The following COCH variants were observed in gnomAD, a reference collection of about 807,000 sequenced individuals.
The protein encoded by COCH is cochlin.
COCH carries 40 observed loss-of-function variants against 54.8 expected under a neutral mutation model. That is an observed-to-expected ratio of 0.73 (90% CI 0.57 to 0.95). The LOEUF (loss-of-function observed/expected upper bound fraction) is 0.95. COCH is among the 40% of genes least tolerant of loss of function. COCH has a pLI of 0.00. For synonymous variants in COCH, 256 were observed against 237.9 expected, an observed-to-expected ratio of 1.08 and a Z score of -0.70; for missense variants, 605 against 675.0, an observed-to-expected ratio of 0.90 and a Z score of 1.15.
chr14:30,892,359 G>A (rs1231935665), downstream of COCH, among the ~76,000 whole-genome samples: 1 of 152,134 alleles, frequency 6.6e-6, no homozygotes, highest in Non-Finnish European at 1.5e-5. Context: ...ATAATGTACT[G>A]GGTTGGAATA....
chr14:30,889,448 C>T (rs557669867), intron 11 of COCH, 168 bp from the exon 12 acceptor site: 179 of 636,824 alleles, frequency 2.8e-4, no homozygotes, highest in Admixed American at 1.1e-3. Flanking sequence ...TTGCCACTCT[C>T]GTCACAATGA....
In COCH at chr14:30,875,068, T is replaced by C. The variant is rs1192667690; in HGVS notation, c.47T>C (p.Leu16Pro). 1 of 1,603,678 alleles carries C rather than the reference T, an allele frequency of 6.2e-7. No individual in the cohort carries two copies. The highest frequency in any genetic ancestry group is 1.1e-5 in the South Asian group (1 of 89,994). The change falls in exon 3 of 12, where the codon CTG (leucine) becomes CCG (proline). Residue 16 changes from leucine (L) to proline (P), a missense_variant. Coordinates refer to ENST00000396618, the MANE Select transcript of COCH (RefSeq NM_004086.3). Reference protein sequence around the residue: ...IPALGLGVCLLLLPGPAGSEG... With the variant: ...IPALGLGVCLPLLPGPAGSEG... Reference sequence around the variant, plus strand: ...TCTCTCTTCGCAGGTGTGTGTCTGCTGCTGCTGCCGGGGCCCGCGGGCAGC... The same window carrying C: ...TCTCTCTTCGCAGGTGTGTGTCTGCCGCTGCTGCCGGGGCCCGCGGGCAGC...
chr14:30,874,773 G>T, intron 1 of COCH, 143 bp from the exon 2 acceptor site: 5 of 764,426 alleles, frequency 6.5e-6, no homozygotes, highest in South Asian at 1.6e-5. Flanking sequence ...AGACCTAGAG[G>T]GGCGCTGGCC....
chr14:30,884,224 T>TA (rs1340511996), intron 8 of COCH, among the ~76,000 whole-genome samples: 4 of 152,244 alleles, frequency 2.6e-5, no homozygotes, highest in Non-Finnish European at 1.5e-5. Flanking sequence ...GCAAACTCCC[T>TA]AAATGCTCTG....
At chr14:30,882,897 CAAAT>C (rs1011159249) in intron 8 of COCH, among the ~76,000 whole-genome samples, 13 of 152,242 alleles carry the variant, frequency 8.5e-5, no homozygotes, top group African/African-American at 2.9e-4. Context: ...TCTAAAAAAA[CAAAT>C]AAATAGCGAA....
chr14:30,878,882 T>C lies in COCH; in HGVS notation c.311T>C (p.Val104Ala). 1 of 1,614,196 alleles carries C rather than the reference T, an allele frequency of 6.2e-7. No homozygotes were observed. The highest frequency in any genetic ancestry group is 8.5e-7 in the Non-Finnish European group (1 of 1,180,026). The change falls in exon 5 of 12, where the codon GTA (valine) becomes GCA (alanine). Residue 104 changes from valine (V) to alanine (A), a missense_variant. Coordinates refer to ENST00000396618, the MANE Select transcript of COCH (RefSeq NM_004086.3). The part of the protein sequence containing the change: ...SLPGRENYSS[V>A]DANGIQSQML... ...CCTGGTCGAGAAAACTATTCCTCAG[T>C]AGATGCCAATGGCATCCAGTCTCAA...
rs1385457731 is a variant in COCH, at chr14:30,879,505, T to A, written c.436+20T>A. 1 of 1,613,062 alleles carries A rather than the reference T, an allele frequency of 6.2e-7. No individual in the cohort carries two copies. Among genetic ancestry groups the A allele is most frequent in the Non-Finnish European group, 8.5e-7 (1 of 1,179,048 alleles). On this transcript the variant is annotated intron_variant, in intron 6 of 11. Coordinates refer to ENST00000396618, the MANE Select transcript of COCH (RefSeq NM_004086.3). ...CAACAGGTATGAACTATGAAACCTA[T>A]CTCCTAGTTGCCCGGCACAGCATTT...
At chr14:30,881,832 C>T (rs568332839) in intron 8 of COCH, among the ~76,000 whole-genome samples, 1,866 of 151,120 alleles carry the variant, frequency 0.012, 16 homozygotes, top group Non-Finnish European at 0.017. Context: ...GGCGTGGTGG[C>T]AGGCGCCTGT....
chr14:30,882,001 T>A lies in COCH; in HGVS notation c.629+1267T>A, dbSNP rs1034399699. The stretch of plus-strand genomic sequence containing the variant: ...TAAAAATAAATAAATAAATAAATAT[T>A]TATTTATTAATTGCTTTTAGAAATA... On this transcript the variant is annotated intron_variant, in intron 8 of 11. Transcript: ENST00000396618. Among the ~76,000 whole-genome samples, 62 of 150,606 alleles carry A rather than the reference T, an allele frequency of 4.1e-4. 1 individual carries two copies. Among genetic ancestry groups the A allele is most frequent in the African/African-American group, 1.5e-3 (60 of 41,150 alleles).
At chr14:30,895,104 A>C (rs1896106393), downstream of COCH, 1 of 279,050 alleles carries the variant, frequency 3.6e-6, no homozygotes, top group Admixed American at 5.4e-5. Context: ...GAAAAAAAAA[A>C]ACTTTTTTGA....
chr14:30,894,698 G>T (rs542446363), downstream of COCH: 1 of 174,098 alleles, frequency 5.7e-6, no homozygotes, highest in Non-Finnish European at 1.2e-5. Context: ...GCAAAAGAAG[G>T]AAAGAAAGTG....
rs770829573 is a variant in COCH, at chr14:30,877,505, A to T, written c.83-67A>T. The T allele has an allele frequency of 2.2e-5, 35 of 1,583,758 alleles. No individual in the cohort carries two copies. Among genetic ancestry groups the T allele is most frequent in the Non-Finnish European group, 2.9e-5 (34 of 1,158,734 alleles). The stretch of plus-strand genomic sequence containing the variant: ...AAGTAAAACTTAAATCTCACACTGT[A>T]GTCTCCCCACCACTATGCCCCAAGA... On this transcript the variant is annotated intron_variant, in intron 3 of 11. Coordinates refer to ENST00000396618, the MANE Select transcript of COCH (RefSeq NM_004086.3). The surrounding 1 kb of genome is among the most constrained non-coding windows in gnomAD (Gnocchi z 8.6).
In COCH at chr14:30,884,454, G is replaced by C. The variant is rs1053309310; in HGVS notation, c.630-99G>C. On this transcript the variant is annotated intron_variant, in intron 8 of 11. Coordinates refer to ENST00000396618, the MANE Select transcript of COCH (RefSeq NM_004086.3). ...TACTATGGAATTAAGAAAGAAACTT[G>C]TGTGTTGTCTGGTTTTAAAACTGTT... 28 of 777,502 alleles carry C rather than the reference G, an allele frequency of 3.6e-5. No homozygotes were observed. In the Admixed American group the frequency reaches 5.3e-4, roughly 15 times the overall value. The allele number at this position is 777,502 out of a possible 1,614,324, so 48.2% of individuals were successfully genotyped here.
At chr14:30,892,575 G>A (rs1311856392), downstream of COCH, among the ~76,000 whole-genome samples, 1 of 152,112 alleles carries the variant, frequency 6.6e-6, no homozygotes, top group African/African-American at 2.4e-5. Flanking sequence ...AGGCCGAGGC[G>A]GGTGGATCAC....
chr14:30,884,848 T>C, intron 9 of COCH, 192 bp downstream of exon 9: 1 of 1,470,168 alleles, frequency 6.8e-7, no homozygotes, highest in Non-Finnish European at 9.0e-7. Flanking sequence ...AGTGTTGATA[T>C]TTCTTATTTT....
At chr14:30,885,653 GA>G (rs1316839301) in intron 10 of COCH, 33 bp downstream of exon 10, 2 of 1,475,712 alleles carry the variant, frequency 1.4e-6, no homozygotes, top group East Asian at 4.5e-5. Context: ...CTGTTACAGT[GA>G]TGGGTATTCC....
rs542135133 is a variant in COCH, at chr14:30,890,148, C to T, written c.*357C>T. ...TGATACTTAGACCAAAAGCAACATT[C>T]GTTCTCTAACCATTCTGTATTGATT... On this transcript the variant is annotated 3_prime_UTR_variant, in exon 12 of 12. Transcript: ENST00000396618. 18 of 1,009,680 alleles carry T rather than the reference C, an allele frequency of 1.8e-5. No individual in the cohort carries two copies. Among genetic ancestry groups the T allele is most frequent in the Middle Eastern group, 5.0e-4 (1 of 1,996 alleles). The allele number at this position is 1,009,680 out of a possible 1,614,324, so 62.5% of individuals were successfully genotyped here. A position where few individuals can be genotyped will look rare whatever the true frequency, so the allele number is the denominator to read the frequency against.
chr14:30,882,274 T>G (rs1048604505), intron 8 of COCH, among the ~76,000 whole-genome samples: 14 of 151,358 alleles, frequency 9.2e-5, no homozygotes, highest in African/African-American at 3.4e-4. Flanking sequence ...GGATCACAGG[T>G]GTGCACTACT....
chr14:30,880,403 T>C (rs1262231343), intron 6 of COCH, 49 bp from the exon 7 acceptor site: 2 of 1,608,366 alleles, frequency 1.2e-6, no homozygotes, highest in East Asian at 2.2e-5. Flanking sequence ...GGTTTCTTGC[T>C]ATGTAACTGT....
Sources: gnomAD v4.1 joint callset for allele counts (sites outside exome capture counted in the v4.1 genomes callset) on GRCh38, gnomAD v4.1.1 for gene constraint, Gnocchi (gnomAD v3.1) non-coding constraint, MANE v1.5 for transcripts, NCBI Gene and HGNC (gene_info 2026-07-23, HGNC 2026-07-21) for gene names.